The following TNFRSF21 variants were observed in gnomAD, a reference collection of about 807,000 sequenced individuals.
The protein encoded by TNFRSF21 is TNF receptor superfamily member 21, also known as tumor necrosis factor receptor superfamily member 21.
A neutral mutation model predicts 45.6 loss-of-function variants in TNFRSF21; 19 were observed. The observed-to-expected ratio is 0.42, with a 90% CI of 0.29 to 0.61. The LOEUF (loss-of-function observed/expected upper bound fraction) is 0.61, where lower values mean the gene tolerates loss of function less well. Ranked by LOEUF, TNFRSF21 falls within the 20% of genes least tolerant of loss-of-function variation. The pLI is 0.23. For missense variants in TNFRSF21, 737 were observed against 851.5 expected (o/e 0.87, Z 1.67); for synonymous variants, 314 against 335.5 (o/e 0.94, Z 0.70).
At chr6:47,274,829 G>C (rs1301067458) in intron 3 of TNFRSF21, among the ~76,000 whole-genome samples, 1 of 152,082 alleles carries the variant, frequency 6.6e-6, no homozygotes, top group Non-Finnish European at 1.5e-5. Flanking sequence ...GTGGGCAAAG[G>C]ATATGAACAG....
Position 47,284,353 on chromosome 6 carries a change from A to G in TNFRSF21, c.828T>C (p.Pro276=). Residue 276 remains proline, a synonymous_variant, in exon 3 of 6, where the codon CCT becomes CCC. Transcript: ENST00000296861. Reference sequence around the variant, plus strand: ...TCCCCCTTGCTGAGCTTGTGTTGTCAGGGACTGTCCCTTCCTGGATGCTAC... The same window carrying G: ...TCCCCCTTGCTGAGCTTGTGTTGTCGGGGACTGTCCCTTCCTGGATGCTAC... The part of the protein sequence containing the change: ...VLSSIQEGTV[P]DNTSSARGKE... 1 of 1,577,632 alleles carries G rather than the reference A, an allele frequency of 6.3e-7. No homozygotes were observed. Among genetic ancestry groups the G allele is most frequent in the South Asian group, 1.2e-5 (1 of 82,722 alleles).
At chr6:47,285,867 T>G in intron 2 of TNFRSF21, 77 bp downstream of exon 2, 1 of 1,469,462 alleles carries the variant, frequency 6.8e-7, no homozygotes, top group Non-Finnish European at 9.2e-7. Context: ...GAAAACATCT[T>G]TGGTATAAGC....
chr6:47,260,953 G>A (rs1430400067), intron 3 of TNFRSF21, among the ~76,000 whole-genome samples: 1 of 152,104 alleles, frequency 6.6e-6, no homozygotes, highest in East Asian at 1.9e-4. Context: ...AATTCCCAGG[G>A]AGGCAATTAA....
At position 47,287,307 on chromosome 6, in the gene TNFRSF21, C is replaced by CAA. The variant is rs1164380285; in HGVS notation, c.97-714_97-713dup. On this transcript the variant is annotated intron_variant, in intron 1 of 5. Transcript: ENST00000296861. ...GGGTGACAAGAGTGAAACTCTTTCT[C>CAA]AAAAAAAAAAAAAAAAAAAAAAAAA... Among the ~76,000 whole-genome samples, 138 of 20,856 alleles carry CAA rather than the reference C, an allele frequency of 6.6e-3. 7 individuals are homozygous for CAA. The highest frequency in any genetic ancestry group is 0.011 in the East Asian group (6 of 536). The allele number at this position is 20,856 out of a possible 152,430, so 13.7% of individuals were successfully genotyped here.
chr6:47,302,258 A>T (rs1762874565), intron 1 of TNFRSF21, among the ~76,000 whole-genome samples: 1 of 152,128 alleles, frequency 6.6e-6, no homozygotes, highest in Admixed American at 6.5e-5. Flanking sequence ...TTTCTAAGAG[A>T]CCTGAAATGA....
In TNFRSF21 at chr6:47,232,610, C is replaced by T. The variant is rs1056632997; in HGVS notation, c.*155G>A. 5 of 595,272 alleles carry T rather than the reference C, an allele frequency of 8.4e-6. No individual in the cohort carries two copies. Among genetic ancestry groups the T allele is most frequent in the Non-Finnish European group, 1.1e-5 (4 of 352,072 alleles). 36.9% of individuals were successfully genotyped at this position (595,272 alleles called of 1,614,324 possible). A position where few individuals can be genotyped will look rare whatever the true frequency, so the allele number is the denominator to read the frequency against. ...AAGGAGAAAGAACTCAAGCACTGGC[C>T]ATATTCTCTGTTAAACACACACACA... On this transcript the variant is annotated 3_prime_UTR_variant, in exon 6 of 6. Coordinates refer to ENST00000296861, the MANE Select transcript of TNFRSF21 (RefSeq NM_014452.5).
At chr6:47,277,207 G>A (rs1371620255) in intron 3 of TNFRSF21, among the ~76,000 whole-genome samples, 1 of 152,194 alleles carries the variant, frequency 6.6e-6, no homozygotes, top group African/African-American at 2.4e-5. Context: ...TGGCCAGGCT[G>A]GTCTTGAACT....
intron 1 of TNFRSF21, among the ~76,000 whole-genome samples, chr6:47,296,852 T>G (rs1426223544): frequency 6.6e-6 from 1 of 152,150 alleles, no homozygotes; most frequent in Admixed American, 6.5e-5. Context: ...GGGCTGGGTG[T>G]GGTGGTACAC....
intron 3 of TNFRSF21, among the ~76,000 whole-genome samples, chr6:47,269,220 G>GACACAAACACACAC (rs994884458): frequency 6.7e-6 from 1 of 149,438 alleles, no homozygotes; most frequent in Non-Finnish European, 1.5e-5. Flanking sequence ...GACACACACA[G>GACACAAACACACAC]ACACAAACAC....
rs779613857 is a variant in TNFRSF21, at chr6:47,253,491, T to C, written c.1274A>G (p.Gln425Arg). 8.1e-6 allele frequency: 13 copies of C among 1,613,042 alleles called. No homozygotes were observed. Among genetic ancestry groups the C allele is most frequent in the Admixed American group, 5.0e-5 (3 of 60,000 alleles). ...GIDILKLVAAQVGSQWKDIYQ... is the reference protein window; with the variant it reads ...GIDILKLVAARVGSQWKDIYQ... ...GATATCTTTCCACTGGCTTCCCACT[T>C]GGGCTGCTACAAGCTTCAGGATATC... The change falls in exon 4 of 6, where the codon CAA becomes CGA. Residue 425 changes from glutamine to arginine, a missense_variant. By Grantham distance (43) the Gln-to-Arg change is conservative. Transcript: ENST00000296861.
chr6:47,239,385 T>A (rs1202765295), intron 4 of TNFRSF21, among the ~76,000 whole-genome samples: 2 of 151,892 alleles, frequency 1.3e-5, no homozygotes, highest in African/African-American at 2.4e-5. Context: ...GACTGACCTT[T>A]CCTGAGATGA....
At chr6:47,238,231 A>G (rs1561937286) in intron 4 of TNFRSF21, among the ~76,000 whole-genome samples, 2 of 152,230 alleles carry the variant, frequency 1.3e-5, no homozygotes, top group African/African-American at 4.8e-5. Context: ...AAGATTATCA[A>G]TGTGGCTGAG....
intron 1 of TNFRSF21, among the ~76,000 whole-genome samples, chr6:47,290,215 A>T (rs556979885): frequency 6.6e-6 from 1 of 152,270 alleles, no homozygotes; most frequent in East Asian, 1.9e-4. Context: ...AAAGAAGAGA[A>T]CTGAACCCAA....
Position 47,274,945 on chromosome 6 carries a change from T to C in TNFRSF21, c.1243+8993A>G, listed in dbSNP as rs889563371. 2.6e-5 allele frequency among the ~76,000 whole-genome samples: 4 copies of C among 152,306 alleles called. No homozygotes were observed. In the South Asian group the frequency reaches 6.2e-4, roughly 24 times the overall value. On this transcript the variant is annotated intron_variant, in intron 3 of 5. Transcript: ENST00000296861. ...AAATCAAAACCACAATGAGATACCA[T>C]CTTACTCCAGTTAGAATGGCAATCA...
chr6:47,265,277 A>G (rs1762316005), intron 3 of TNFRSF21, among the ~76,000 whole-genome samples: 1 of 152,226 alleles, frequency 6.6e-6, no homozygotes. Flanking sequence ...TCTACAGAGG[A>G]AAATTTACTG....
chr6:47,290,766 G>A (rs1420169947), intron 1 of TNFRSF21, among the ~76,000 whole-genome samples: 2 of 152,196 alleles, frequency 1.3e-5, no homozygotes, highest in African/African-American at 4.8e-5. Flanking sequence ...CCACAGTCGG[G>A]CCCAGGCTGA....
chr6:47,240,071 G>C (rs780367124), intron 4 of TNFRSF21, among the ~76,000 whole-genome samples: 3 of 152,056 alleles, frequency 2.0e-5, no homozygotes, highest in Admixed American at 6.6e-5. Flanking sequence ...GATGCTCTTT[G>C]CCAGCCTGCT....
chr6:47,286,312 G>C lies in TNFRSF21; in HGVS notation c.380C>G (p.Thr127Ser), dbSNP rs1326414719. Residue 127 changes from threonine to serine, a missense_variant, in exon 2 of 6, where the codon ACT becomes AGT. Thr to Ser is a moderately conservative substitution (Grantham distance 58). Coordinates refer to ENST00000296861, the MANE Select transcript of TNFRSF21 (RefSeq NM_014452.5). ...AGGTGGGCAAGTGCATTCTCGGTCAGTCAAGGCAGCACAAGGTAATTTCTC... is the reference window on the plus strand; with the variant it reads ...AGGTGGGCAAGTGCATTCTCGGTCACTCAAGGCAGCACAAGGTAATTTCTC... ...MIEKLPCAAL[T>S]DRECTCPPGM... The C allele has an allele frequency of 6.2e-7, 1 of 1,614,266 alleles. No homozygotes were observed. Among genetic ancestry groups the C allele is most frequent in the East Asian group, 2.2e-5 (1 of 44,888 alleles).
intron 4 of TNFRSF21, among the ~76,000 whole-genome samples, chr6:47,240,933 G>A (rs764499209): frequency 1.3e-4 from 20 of 152,152 alleles, no homozygotes; most frequent in African/African-American, 2.9e-4. Flanking sequence ...AATTCTAGTC[G>A]CGAATAAATA....
Sources: gnomAD v4.1 joint callset for allele counts (sites outside exome capture counted in the v4.1 genomes callset) on GRCh38, gnomAD v4.1.1 for gene constraint, MANE v1.5 for transcripts, NCBI Gene and HGNC (gene_info 2026-07-23, HGNC 2026-07-21) for gene names.